Variants in SRRM4 observed in about 807,000 individuals in gnomAD.
SRRM4 encodes the protein serine/arginine repetitive matrix 4, also known as serine/arginine repetitive matrix protein 4.
Under a neutral mutation model 68.9 loss-of-function variants are expected in SRRM4, and 33 were observed. That is an observed-to-expected ratio of 0.48 (90% CI 0.36 to 0.64). The LOEUF (loss-of-function observed/expected upper bound fraction) is 0.64, where lower values mean the gene tolerates loss of function less well. Among genes scored for constraint, SRRM4 ranks in the 30% least tolerant of loss-of-function variants. The pLI is 0.00. For missense variants in SRRM4, 817 were observed against 827.1 expected (o/e 0.99, Z 0.15); for synonymous variants, 318 against 318.8 (o/e 1.00, Z 0.03).
intron 1 of SRRM4, among the ~76,000 whole-genome samples, chr12:119,091,201 G>T (rs1954012437): frequency 6.6e-6 from 1 of 152,228 alleles, no homozygotes; most frequent in Non-Finnish European, 1.5e-5. Context: ...GCTGATGACA[G>T]GATCCTGTGA....
chr12:119,114,171 G>A, intron 2 of SRRM4, 107 bp from the exon 3 acceptor site: 2 of 852,376 alleles, frequency 2.3e-6, no homozygotes, highest in South Asian at 3.0e-5. Flanking sequence ...ACTGGCTATA[G>A]GTCCTTGATC....
intron 7 of SRRM4, among the ~76,000 whole-genome samples, chr12:119,125,835 C>T (rs907460598): frequency 6.6e-6 from 1 of 151,350 alleles, no homozygotes; most frequent in South Asian, 2.1e-4. Flanking sequence ...ACAGGAGAAT[C>T]GCTTGAACCC....
At chr12:119,005,525 G>A (rs567475781) in intron 1 of SRRM4, among the ~76,000 whole-genome samples, 24 of 152,306 alleles carry the variant, frequency 1.6e-4, no homozygotes, top group African/African-American at 5.8e-4. Flanking sequence ...GAAACCACTG[G>A]TGTGGTGGAG....
intron 4 of SRRM4, among the ~76,000 whole-genome samples, chr12:119,119,101 T>C (rs372680404): frequency 6.6e-6 from 1 of 151,790 alleles, no homozygotes; most frequent in African/African-American, 2.4e-5. Context: ...TCTGAGTTTT[T>C]AAAAATTTTT....
chr12:119,009,898 C>T (rs1318731040), intron 1 of SRRM4, among the ~76,000 whole-genome samples: 8 of 152,182 alleles, frequency 5.3e-5, no homozygotes, highest in Admixed American at 4.6e-4. Flanking sequence ...CCCTTCGACT[C>T]CTGCCAGAAC....
At chr12:119,088,032 G>A (rs1011302185) in intron 1 of SRRM4, among the ~76,000 whole-genome samples, 4 of 152,164 alleles carry the variant, frequency 2.6e-5, no homozygotes, top group African/African-American at 7.2e-5. Context: ...CTCAATAAAT[G>A]TGAGGTCCCT....
At chr12:119,094,653 T>C (rs1256445808) in intron 1 of SRRM4, among the ~76,000 whole-genome samples, 2 of 152,228 alleles carry the variant, frequency 1.3e-5, no homozygotes, top group African/African-American at 4.8e-5. Flanking sequence ...TTTCTATTCA[T>C]CTGCTAGAAA....
At chr12:119,069,989 G>C (rs868547689) in intron 1 of SRRM4, among the ~76,000 whole-genome samples, 3 of 152,116 alleles carry the variant, frequency 2.0e-5, no homozygotes, top group Non-Finnish European at 4.4e-5. Context: ...TGTGAATTGC[G>C]GGGAGGTGTT....
At chr12:119,019,207 G>A (rs1464969019) in intron 1 of SRRM4, among the ~76,000 whole-genome samples, 1 of 152,170 alleles carries the variant, frequency 6.6e-6, no homozygotes. Flanking sequence ...TAATTCAAAT[G>A]CTCTGGGGGC....
intron 1 of SRRM4, among the ~76,000 whole-genome samples, chr12:119,050,318 T>C (rs917595998): frequency 1.3e-5 from 2 of 152,234 alleles, no homozygotes; most frequent in African/African-American, 2.4e-5. Context: ...TTGATCTCCT[T>C]TCAAGAAGTA....
intron 1 of SRRM4, among the ~76,000 whole-genome samples, chr12:119,091,976 T>C (rs1954016936): frequency 6.6e-6 from 1 of 152,212 alleles, no homozygotes; most frequent in African/African-American, 2.4e-5. Flanking sequence ...AGTAAAATGA[T>C]GCTTAGCAGA....
intron 8 of SRRM4, among the ~76,000 whole-genome samples, chr12:119,134,072 T>C (rs1441501762): frequency 6.6e-6 from 1 of 151,760 alleles, no homozygotes; most frequent in Admixed American, 6.6e-5. Flanking sequence ...GCTCTGGAGG[T>C]AAAGAGGAGC....
At chr12:119,113,803 G>C (rs1284329213) in intron 2 of SRRM4, among the ~76,000 whole-genome samples, 1 of 152,122 alleles carries the variant, frequency 6.6e-6, no homozygotes, top group East Asian at 1.9e-4. Context: ...GGCAATATAA[G>C]ATACGTATCT....
intron 1 of SRRM4, among the ~76,000 whole-genome samples, chr12:119,060,306 G>A (rs1953802864): frequency 6.6e-6 from 1 of 151,070 alleles, no homozygotes; most frequent in Admixed American, 6.6e-5. Flanking sequence ...AAAATAAAGT[G>A]TCCAGGAGAG....
intron 1 of SRRM4, among the ~76,000 whole-genome samples, chr12:118,988,395 A>G (rs1219351592): frequency 1.3e-5 from 2 of 152,184 alleles, no homozygotes; most frequent in African/African-American, 4.8e-5. Context: ...ACGCTAGTGG[A>G]GGGGAGCCGT....
chr12:119,077,201 A>G (rs1451473734), intron 1 of SRRM4, among the ~76,000 whole-genome samples: 4 of 152,194 alleles, frequency 2.6e-5, no homozygotes, highest in African/African-American at 7.2e-5. Context: ...AAATTCTCAA[A>G]CTTTAGAAAG....
chr12:119,106,154 T>C (rs1226776623), intron 2 of SRRM4, among the ~76,000 whole-genome samples: 2 of 152,096 alleles, frequency 1.3e-5, no homozygotes, highest in Non-Finnish European at 2.9e-5. Flanking sequence ...CTCTGTTCTA[T>C]TCCATTGGTC....
chr12:119,091,720 C>T (rs1385496827), intron 1 of SRRM4, among the ~76,000 whole-genome samples: 1 of 152,162 alleles, frequency 6.6e-6, no homozygotes, highest in Non-Finnish European at 1.5e-5. Context: ...AGAGTCTATC[C>T]GATGGGTCTA....
chr12:119,057,444 T>C (rs913372583), intron 1 of SRRM4, among the ~76,000 whole-genome samples: 10 of 152,192 alleles, frequency 6.6e-5, no homozygotes, highest in South Asian at 2.1e-4. Context: ...GAACATGCGG[T>C]GTTTGGTTTT....
Sources: allele counts gnomAD v4.1 joint callset (sites outside exome capture counted in the v4.1 genomes callset), GRCh38; gene constraint gnomAD v4.1.1; transcripts MANE v1.5; gene names NCBI Gene and HGNC (gene_info 2026-07-23, HGNC 2026-07-21).